The following CNTNAP2 variants were observed in gnomAD, a reference collection of about 807,000 sequenced individuals.
CNTNAP2 encodes contactin associated protein 2, also known as contactin-associated protein-like 2.
CNTNAP2 carries 98 observed loss-of-function variants against 155.2 expected under a neutral mutation model. The observed-to-expected ratio is 0.63, with a 90% CI of 0.54 to 0.75. The LOEUF is 0.75. CNTNAP2 is among the 30% of genes least tolerant of loss of function. The pLI is 0.00. For synonymous variants in CNTNAP2, 651 were observed against 631.2 expected, an observed-to-expected ratio of 1.03 and a Z score of -0.47; for missense variants, 1,727 against 1,688.1, an observed-to-expected ratio of 1.02 and a Z score of -0.40.
intron 11 of CNTNAP2, among the ~76,000 whole-genome samples, chr7:147,516,931 G>A (rs1380369768): frequency 2.0e-5 from 3 of 147,018 alleles, no homozygotes; most frequent in Non-Finnish European, 3.0e-5. Flanking sequence ...GCGCAATCTC[G>A]GCTCACTGCG....
chr7:146,305,656 T>C (rs560884127), intron 1 of CNTNAP2, among the ~76,000 whole-genome samples: 1 of 152,172 alleles, frequency 6.6e-6, no homozygotes, highest in African/African-American at 2.4e-5. Flanking sequence ...ACGAGGTCCA[T>C]AACAAAATGG....
intron 1 of CNTNAP2, among the ~76,000 whole-genome samples, chr7:146,523,008 T>C (rs1245846193): frequency 6.6e-6 from 1 of 151,934 alleles, no homozygotes; most frequent in Non-Finnish European, 1.5e-5. Flanking sequence ...ATAAAATTTT[T>C]CCATAATTTA....
chr7:146,709,946 A>G (rs913190086), intron 1 of CNTNAP2, among the ~76,000 whole-genome samples: 3 of 152,190 alleles, frequency 2.0e-5, no homozygotes, highest in African/African-American at 7.2e-5. Context: ...AGAAAGGTCA[A>G]CATTGTATAG....
chr7:148,202,479 G>T (rs1203228984), intron 18 of CNTNAP2, among the ~76,000 whole-genome samples: 1 of 152,138 alleles, frequency 6.6e-6, no homozygotes, highest in Non-Finnish European at 1.5e-5. Flanking sequence ...CATATAGAAA[G>T]CCTTTTGCAA....
intron 15 of CNTNAP2, among the ~76,000 whole-genome samples, chr7:148,009,227 T>G (rs1802029963): frequency 6.6e-6 from 1 of 152,152 alleles, no homozygotes; most frequent in Non-Finnish European, 1.5e-5. Flanking sequence ...TTGGACCAAA[T>G]CACCTAACAC....
At chr7:147,341,289 T>G (rs1177676322) in intron 9 of CNTNAP2, among the ~76,000 whole-genome samples, 1 of 151,744 alleles carries the variant, frequency 6.6e-6, no homozygotes, top group Non-Finnish European at 1.5e-5. Flanking sequence ...GGCCTGTCGG[T>G]CGGTGGAGGG....
chr7:146,150,421 A>C (rs1300071308), intron 1 of CNTNAP2, among the ~76,000 whole-genome samples: 1 of 152,150 alleles, frequency 6.6e-6, no homozygotes, highest in African/African-American at 2.4e-5. Context: ...TAGAAATAAA[A>C]ACATGTTTAC....
At chr7:146,444,264 A>T (rs1376863487) in intron 1 of CNTNAP2, among the ~76,000 whole-genome samples, 1 of 152,084 alleles carries the variant, frequency 6.6e-6, no homozygotes, top group Non-Finnish European at 1.5e-5. Context: ...ACCTCAAGTG[A>T]TCCACCCACC....
chr7:147,243,820 T>G (rs1404966309), intron 8 of CNTNAP2, among the ~76,000 whole-genome samples: 1 of 152,198 alleles, frequency 6.6e-6, no homozygotes, highest in Non-Finnish European at 1.5e-5. Flanking sequence ...AGGGCTGTCA[T>G]GAACAAAGTT....
At chr7:147,613,401 T>C (rs758027920) in intron 12 of CNTNAP2, among the ~76,000 whole-genome samples, 3 of 152,242 alleles carry the variant, frequency 2.0e-5, no homozygotes, top group Non-Finnish European at 4.4e-5. Flanking sequence ...GTTAGACATA[T>C]ATCTTACAAT....
At chr7:146,571,391 G>T (rs144250219) in intron 1 of CNTNAP2, among the ~76,000 whole-genome samples, 5 of 151,982 alleles carry the variant, frequency 3.3e-5, no homozygotes, top group Non-Finnish European at 5.9e-5. Context: ...AATATTTTAT[G>T]TGAAAATATT....
intron 18 of CNTNAP2, among the ~76,000 whole-genome samples, chr7:148,183,705 C>T (rs1314080052): frequency 6.6e-6 from 1 of 152,080 alleles, no homozygotes; most frequent in African/African-American, 2.4e-5. Context: ...TGGTCTCAAA[C>T]TCCTGGCATC....
chr7:147,861,188 G>C (rs947276651), intron 13 of CNTNAP2, among the ~76,000 whole-genome samples: 1 of 152,160 alleles, frequency 6.6e-6, no homozygotes, highest in Non-Finnish European at 1.5e-5. Context: ...AGCAGTTTCT[G>C]TCAAAGCAGG....
chr7:147,623,217 C>T (rs1397621408), intron 12 of CNTNAP2, among the ~76,000 whole-genome samples: 1 of 152,048 alleles, frequency 6.6e-6, no homozygotes. Context: ...CCTACTTTCA[C>T]CACTGTTATT....
chr7:147,415,824 T>A (rs1797184213), intron 10 of CNTNAP2, among the ~76,000 whole-genome samples: 1 of 151,884 alleles, frequency 6.6e-6, no homozygotes, highest in South Asian at 2.1e-4. Flanking sequence ...ATGGAAGGAG[T>A]GTAACAAGTG....
chr7:146,684,010 T>C (rs1164716119), intron 1 of CNTNAP2, among the ~76,000 whole-genome samples: 1 of 152,200 alleles, frequency 6.6e-6, no homozygotes, highest in African/African-American at 2.4e-5. Context: ...GGTTCAAAAA[T>C]TCTTGCTCTC....
intron 7 of CNTNAP2, among the ~76,000 whole-genome samples, chr7:147,130,916 A>G (rs1801339599): frequency 6.6e-6 from 1 of 152,060 alleles, no homozygotes; most frequent in Non-Finnish European, 1.5e-5. Context: ...GCATTTAAAA[A>G]TAATCATCTG....
intron 1 of CNTNAP2, among the ~76,000 whole-genome samples, chr7:146,186,522 A>T (rs1302530036): frequency 6.6e-6 from 1 of 152,174 alleles, no homozygotes; most frequent in Non-Finnish European, 1.5e-5. Context: ...TTGAATCTGT[A>T]CTTTCTTCCA....
intron 18 of CNTNAP2, among the ~76,000 whole-genome samples, chr7:148,174,081 T>C (rs1794885474): frequency 6.6e-6 from 1 of 152,240 alleles, no homozygotes. Flanking sequence ...TATTTCAACA[T>C]GTTTACACAA....
Sources: allele counts gnomAD v4.1 joint callset (sites outside exome capture counted in the v4.1 genomes callset), GRCh38; gene constraint gnomAD v4.1.1; transcripts MANE v1.5; gene names NCBI Gene and HGNC (gene_info 2026-07-23, HGNC 2026-07-21).